The following REXO1 variants were observed in gnomAD, a reference collection of about 807,000 sequenced individuals.
REXO1 encodes the protein RNA exonuclease 1 homolog, also known as REX1, RNA exonuclease 1 homolog.
REXO1 carries 42 observed loss-of-function variants against 102.6 expected under a neutral mutation model. The observed-to-expected ratio is 0.41, with a 90% CI of 0.32 to 0.53. The LOEUF (loss-of-function observed/expected upper bound fraction) is 0.53. Among genes scored for constraint, REXO1 ranks in the 20% least tolerant of loss-of-function variants. The pLI, the probability that REXO1 is intolerant of heterozygous loss-of-function variation, is 0.27. For missense variants in REXO1, 1,819 were observed against 1,732.5 expected (o/e 1.05, Z -0.89); for synonymous variants, 908 against 779.1 (o/e 1.17, Z -2.76).
intron 7 of REXO1, 68 bp from the exon 8 acceptor site, chr19:1,819,199 T>TGGCCCCCCCCCCCCCCC: frequency 8.3e-7 from 1 of 1,202,718 alleles, no homozygotes. Flanking sequence ...CCGCCTGCTC[T>TGGCCCCCCCCCCCCCCC]CCCACCCACC....
chr19:1,817,836 C>T (rs746144241), intron 10 of REXO1, 56 bp from the exon 11 acceptor site: 10 of 1,450,314 alleles, frequency 6.9e-6, no homozygotes, highest in African/African-American at 2.8e-5. Flanking sequence ...CCACAGCCCC[C>T]GGGGCACTGA....
intron 13 of REXO1, 42 bp downstream of exon 13, chr19:1,816,654 GGC>G: frequency 1.2e-6 from 2 of 1,603,652 alleles, no homozygotes; most frequent in South Asian, 2.2e-5. Context: ...CCTGGGGAGA[GGC>G]GGCTGGGAGG....
rs1027020384 is a variant in REXO1 at position 1,819,795 on chromosome 19, C to T, written c.2650+139G>A. 8.7e-5 allele frequency: 80 copies of T among 922,480 alleles called. No homozygotes were observed. The Middle Eastern group carries it at 2.5e-3, about 29-fold the overall frequency. 57.1% of individuals were successfully genotyped at this position (922,480 alleles called of 1,614,324 possible). A position where few individuals can be genotyped will look rare whatever the true frequency, so the allele number is the denominator to read the frequency against. ...AGCCTGGGAACCAGGCAGCAGGCAG[C>T]CCCCCCACAGCACCGCGCTTTCCTT... On this transcript the variant is annotated intron_variant, in intron 7 of 15. Coordinates refer to ENST00000170168, the MANE Select transcript of REXO1 (RefSeq NM_020695.4).
Position 1,826,730 on chromosome 19 carries a change from A to T in REXO1, c.1911+148T>A. On this transcript the variant is annotated intron_variant, in intron 2 of 15. Coordinates refer to ENST00000170168, the MANE Select transcript of REXO1 (RefSeq NM_020695.4). The surrounding 1 kb of genome is among the most constrained non-coding windows in gnomAD (Gnocchi z 4.3). Reference sequence around the variant, plus strand: ...GCCCGGGTGCTCCTGAGCTCCTGAGATTTCAACGGGCTCAGGGACCAGCAC... The same window carrying T: ...GCCCGGGTGCTCCTGAGCTCCTGAGTTTTCAACGGGCTCAGGGACCAGCAC... 1 of 1,370,526 alleles carries T rather than the reference A, an allele frequency of 7.3e-7. No homozygotes were observed. The highest frequency in any genetic ancestry group is 9.6e-7 in the Non-Finnish European group (1 of 1,042,630). The allele number at this position is 1,370,526 out of a possible 1,614,324, so 84.9% of individuals were successfully genotyped here.
rs754026116 is a variant in REXO1, at chr19:1,827,682, G to T, written c.1107C>A (p.Gly369=). ...PAQVQSSQDG[G]CPKEGKPKKK... The stretch of plus-strand genomic sequence containing the variant: ...TCTTGGGTTTTCCCTCCTTGGGGCA[G>T]CCCCCATCCTGTGAGGACTGGACCT... The change falls in exon 2 of 16, where the codon GGC becomes GGA. Residue 369 remains glycine, a synonymous_variant. Coordinates refer to ENST00000170168, the MANE Select transcript of REXO1 (RefSeq NM_020695.4). 1.9e-6 allele frequency: 3 copies of T among 1,566,860 alleles called. No individual in the cohort carries two copies. The highest frequency in any genetic ancestry group is 4.5e-5 in the East Asian group (2 of 44,696).
At chr19:1,847,305 G>A (rs1270054211) in intron 1 of REXO1, among the ~76,000 whole-genome samples, 1 of 152,226 alleles carries the variant, frequency 6.6e-6, no homozygotes, top group Non-Finnish European at 1.5e-5. Flanking sequence ...CTCTTTTGCA[G>A]GAAAAGGTTC....
chr19:1,828,214 C>G lies in REXO1; in HGVS notation c.575G>C (p.Gly192Ala). 2 of 1,607,292 alleles carry G rather than the reference C, an allele frequency of 1.2e-6. No homozygotes were observed. The highest frequency in any genetic ancestry group is 1.7e-6 in the Non-Finnish European group (2 of 1,177,536). The stretch of plus-strand genomic sequence containing the variant: ...TTCCAGGGCACCGCCACCCCCTCCA[C>G]CTCTGCCCTGACCCCTGTCCAGGGA... The part of the protein sequence containing the change: ...LASLDRGQGR[G>A]GGGGGALEYV... The change falls in exon 2 of 16, where the codon GGT (glycine) becomes GCT (alanine). Residue 192 changes from glycine (G) to alanine (A), a missense_variant. By Grantham distance (60) the Gly-to-Ala change is moderately conservative. Transcript: ENST00000170168.
chr19:1,816,638 T>TTGGGG, intron 13 of REXO1, 60 bp downstream of exon 13: 2 of 275,656 alleles, frequency 7.3e-6, no homozygotes, highest in Non-Finnish European at 1.4e-5. Flanking sequence ...CGGGGGAGGG[T>TTGGGG]GGGTCCCTGG....
At position 1,817,711 on chromosome 19, in the gene REXO1, G is replaced by A; in HGVS notation, c.3086C>T (p.Ala1029Val). ...AAAGSVGCQV[A>V]KQHVQDGRKE... ...GACTGGGACGCCAGGGCTCACCTTT[G>A]CGACTTGGCAGCCGACAGAGCCGGC... Residue 1029 changes from alanine (A) to valine (V), a missense_variant, in exon 11 of 16, where the codon GCA (alanine) becomes GTA (valine). By Grantham distance (64) the Ala-to-Val change is moderately conservative. Coordinates refer to ENST00000170168, the MANE Select transcript of REXO1 (RefSeq NM_020695.4). 6.2e-7 allele frequency: 1 copy of A among 1,612,328 alleles called. No homozygotes were observed. Among genetic ancestry groups the A allele is most frequent in the Non-Finnish European group, 8.5e-7 (1 of 1,179,586 alleles).
At chr19:1,819,620 A>G (rs935353334) in intron 7 of REXO1, among the ~76,000 whole-genome samples, 10 of 152,202 alleles carry the variant, frequency 6.6e-5, no homozygotes, top group African/African-American at 2.2e-4. Context: ...AGCTTAATGC[A>G]TGGAGCTCGC....
At chr19:1,817,193 C>G in intron 12 of REXO1, 26 bp downstream of exon 12, 1 of 1,609,220 alleles carries the variant, frequency 6.2e-7, no homozygotes, top group East Asian at 2.2e-5. Context: ...ATCCTGAACC[C>G]GACGCTGGGC....
rs2069778396 is a variant in REXO1 at position 1,827,684 on chromosome 19, C to A, written c.1105G>T (p.Gly369Cys). ...TTGGGTTTTCCCTCCTTGGGGCAGCCCCCATCCTGTGAGGACTGGACCTGG... is the reference window on the plus strand; with the variant it reads ...TTGGGTTTTCCCTCCTTGGGGCAGCACCCATCCTGTGAGGACTGGACCTGG... ...PAQVQSSQDGGCPKEGKPKKK... is the reference protein window; with the variant it reads ...PAQVQSSQDGCCPKEGKPKKK... Residue 369 changes from glycine (G) to cysteine (C), a missense_variant, in exon 2 of 16, where the codon GGC becomes TGC. Transcript: ENST00000170168. 6.4e-6 allele frequency: 10 copies of A among 1,567,146 alleles called. No individual in the cohort carries two copies. Among genetic ancestry groups the A allele is most frequent in the Admixed American group, 2.1e-5 (1 of 47,764 alleles).
intron 11 of REXO1, 148 bp downstream of exon 11, chr19:1,817,558 GC>G: frequency 6.9e-7 from 1 of 1,446,900 alleles, no homozygotes; most frequent in Non-Finnish European, 9.2e-7. Flanking sequence ...GCCTACGGGT[GC>G]TACGTTCTCT....
intron 3 of REXO1, among the ~76,000 whole-genome samples, chr19:1,824,839 G>A (rs530702542): frequency 5.3e-5 from 8 of 152,196 alleles, no homozygotes; most frequent in African/African-American, 1.7e-4. Context: ...AGGCTGGAGC[G>A]CAATGGCACG....
At position 1,819,952 on chromosome 19, in the gene REXO1, C is replaced by G. The variant is rs137920406; in HGVS notation, c.2632G>C (p.Ala878Pro). Reference sequence around the variant, plus strand: ...GACTCACTGCTGAGGCCGGGCACAGCGCTGGGGGCCAGGCCCCTGAGCTTC... The same window carrying G: ...GACTCACTGCTGAGGCCGGGCACAGGGCTGGGGGCCAGGCCCCTGAGCTTC... The part of the protein sequence containing the change: ...LKKLRGLAPS[A>P]VPGLSKTSGR... The change falls in exon 7 of 16, where the codon GCT becomes CCT. Residue 878 changes from alanine to proline, a missense_variant. Coordinates refer to ENST00000170168, the MANE Select transcript of REXO1 (RefSeq NM_020695.4). The G allele has an allele frequency of 6.3e-7, 1 of 1,586,946 alleles. No homozygotes were observed. The highest frequency in any genetic ancestry group is 1.4e-5 in the African/African-American group (1 of 73,354).
At position 1,841,087 on chromosome 19, in the gene REXO1, T is replaced by C. The variant is rs139113194; in HGVS notation, c.157+7115A>G. Among the ~76,000 whole-genome samples the C allele has an allele frequency of 3.2e-3, 491 of 152,262 alleles. 3 individuals are homozygous for C. Among genetic ancestry groups the C allele is most frequent in the South Asian group, 0.018 (89 of 4,824 alleles). On this transcript the variant is annotated intron_variant, in intron 1 of 15. Transcript: ENST00000170168. ...ATCGCCCCGAAACAGCCAGTGCACATGCGGCTCCTCCAAGGGTCCCAGAGG... is the reference window on the plus strand; with the variant it reads ...ATCGCCCCGAAACAGCCAGTGCACACGCGGCTCCTCCAAGGGTCCCAGAGG...
chr19:1,829,972 G>A (rs1459653306), intron 1 of REXO1, among the ~76,000 whole-genome samples: 1 of 152,124 alleles, frequency 6.6e-6, no homozygotes, highest in Non-Finnish European at 1.5e-5. Context: ...TCTTCCCGGG[G>A]GGCAGCTGGG....
chr19:1,816,177 A>G lies in REXO1; in HGVS notation c.3578-23T>C, dbSNP rs199686292. On this transcript the variant is annotated intron_variant, in intron 15 of 15. Transcript: ENST00000170168. ...CCACTGCGGGGCAGATGCGGTGAGCACCCGGCCCCTGCGCAGGGACGGCCC... is the reference window on the plus strand; with the variant it reads ...CCACTGCGGGGCAGATGCGGTGAGCGCCCGGCCCCTGCGCAGGGACGGCCC... 655 of 1,556,386 alleles carry G rather than the reference A, an allele frequency of 4.2e-4. 2 individuals are homozygous for G. In the African/African-American group the frequency reaches 7.7e-3, roughly 18 times the overall value.
chr19:1,838,827 C>G (rs2011182149), intron 1 of REXO1, among the ~76,000 whole-genome samples: 1 of 151,594 alleles, frequency 6.6e-6, no homozygotes, highest in African/African-American at 2.4e-5. Flanking sequence ...AGTTAAGAGT[C>G]CAGCTCTCAG....
Sources: gnomAD v4.1 joint callset for allele counts (sites outside exome capture counted in the v4.1 genomes callset) on GRCh38, gnomAD v4.1.1 for gene constraint, Gnocchi (gnomAD v3.1) non-coding constraint, MANE v1.5 for transcripts, NCBI Gene and HGNC (gene_info 2026-07-23, HGNC 2026-07-21) for gene names.